POGZ: variants seen among roughly 807,000 people sequenced by gnomAD.
The protein encoded by POGZ is pogo transposable element with ZNF domain.
POGZ carries 17 observed loss-of-function variants against 134.6 expected under a neutral mutation model. That is an observed-to-expected ratio of 0.13 (90% confidence interval 0.09 to 0.19). POGZ has a LOEUF of 0.19. POGZ is among the 10% of genes least tolerant of loss of function. The pLI is 1.00. For missense variants in POGZ, 1,306 were observed against 1,769.7 expected (o/e 0.74, Z 4.70); for synonymous variants, 693 against 657.1 (o/e 1.05, Z -0.84).
Position 151,403,127 on chromosome 1 carries a change from A to G in POGZ, c.*1675T>C, listed in dbSNP as rs1653012542. 1 of 723,038 alleles carries G rather than the reference A, an allele frequency of 1.4e-6. No homozygotes were observed. Among genetic ancestry groups the G allele is most frequent in the Non-Finnish European group, 1.7e-6 (1 of 590,236 alleles). The allele number at this position is 723,038 out of a possible 1,614,324, so 44.8% of individuals were successfully genotyped here. On this transcript the variant is annotated 3_prime_UTR_variant, in exon 19 of 19. Coordinates refer to ENST00000271715, the MANE Select transcript of POGZ (RefSeq NM_015100.4). ...GATCCTTGGTTGTTTTCAGATGTCA[A>G]AGGTTCACAAAGCTGGCCAAGCTGT... is the stretch of plus-strand genomic sequence containing the variant.
chr1:151,441,668 ACTCCACT>A (rs982559728), intron 2 of POGZ, among the ~76,000 whole-genome samples: 6 of 152,128 alleles, frequency 3.9e-5, no homozygotes, highest in Admixed American at 3.3e-4. Flanking sequence ...GGCAATTTCT[ACTCCACT>A]CACAAAGGAA....
At chr1:151,408,038 G>C in intron 15 of POGZ, 62 bp downstream of exon 15, 1 of 1,010,512 alleles carries the variant, frequency 9.9e-7, no homozygotes, top group South Asian at 1.7e-5. Flanking sequence ...AAAAGAAGAA[G>C]AAGAAGAAGA....
Position 151,411,619 on chromosome 1 carries a change from T to C in POGZ, c.1926+6A>G. ...GAGAATATGGGAATTGCTTGGTGCC[T>C]AGTACCTGGTGCCTCATGTAATGCT... On this transcript the variant is annotated splice_donor_region_variant and intron_variant, in intron 12 of 18. Coordinates refer to ENST00000271715, the MANE Select transcript of POGZ (RefSeq NM_015100.4). The C allele has an allele frequency of 6.3e-7, 1 of 1,591,742 alleles. No homozygotes were observed.
chr1:151,447,427 T>C (rs1040712026), intron 1 of POGZ, among the ~76,000 whole-genome samples: 3 of 151,946 alleles, frequency 2.0e-5, no homozygotes, highest in Non-Finnish European at 4.4e-5. Flanking sequence ...AATCCCTTAA[T>C]ATCAAATATC....
chr1:151,431,088 C>G lies in POGZ; in HGVS notation c.284-247G>C, dbSNP rs1658621428. Among the ~76,000 whole-genome samples the G allele has an allele frequency of 2.0e-5, 3 of 152,000 alleles. No individual in the cohort carries two copies. The South Asian group carries it at 6.2e-4, about 31-fold the overall frequency. On this transcript the variant is annotated intron_variant, in intron 3 of 18. Transcript: ENST00000271715. ...GTACAAATCCACATTTTATTAGAAA[C>G]AGAAATGGTGTCCTATATGCCAAAA...
rs1411936205 is a variant in POGZ at position 151,459,246 on chromosome 1, G to A, written c.-96C>T. ...CGGCGCCAGAAGGGGGTGGGAGCAG[G>A]GGGAGGGGACGGGGGCTTGGGGGGA... On this transcript the variant is annotated 5_prime_UTR_variant, in exon 1 of 19. Coordinates refer to ENST00000271715, the MANE Select transcript of POGZ (RefSeq NM_015100.4). 6 of 152,228 alleles carry A rather than the reference G, an allele frequency of 3.9e-5. No individual in the cohort carries two copies. The highest frequency in any genetic ancestry group is 1.2e-4 in the African/African-American group (5 of 41,542). The allele number at this position is 152,228 out of a possible 1,614,324, so 9.4% of individuals were successfully genotyped here. A position where few individuals can be genotyped will look rare whatever the true frequency, so the allele number is the denominator to read the frequency against.
At chr1:151,445,126 T>C (rs1001638815) in intron 1 of POGZ, among the ~76,000 whole-genome samples, 14 of 152,222 alleles carry the variant, frequency 9.2e-5, no homozygotes, top group African/African-American at 3.4e-4. Flanking sequence ...AAGATGTTTA[T>C]GTCCTAACTA....
Position 151,406,030 on chromosome 1 carries a change from C to G in POGZ, c.3005G>C (p.Arg1002Pro), listed in dbSNP as rs772614527. ...AAEHFRNPQR[R>P]IRRWLRRFQA... is the part of the protein sequence containing the mutation. ...GAAACGTCGAAGCCAACGGCGAATA[C>G]GTCGCTGGGGATTTCGGAAGTGTTC... is the stretch of plus-strand genomic sequence containing the variant. The change falls in exon 19 of 19, where the codon CGT becomes CCT. Residue 1002 changes from arginine (R) to proline (P), a missense_variant. This residue lies in a region of POGZ where 214 missense variants were observed against 255.5 expected (regional missense o/e 0.84). Coordinates refer to ENST00000271715, the MANE Select transcript of POGZ (RefSeq NM_015100.4). The G allele has an allele frequency of 6.2e-7, 1 of 1,614,218 alleles. No individual in the cohort carries two copies. Among genetic ancestry groups the G allele is most frequent in the Non-Finnish European group, 8.5e-7 (1 of 1,180,034 alleles).
intron 10 of POGZ, among the ~76,000 whole-genome samples, chr1:151,421,468 G>A (rs1184244202): frequency 6.6e-6 from 1 of 152,062 alleles, no homozygotes; most frequent in Non-Finnish European, 1.5e-5. Flanking sequence ...GTTACTGTAA[G>A]CCATTAATGT....
intron 1 of POGZ, chr1:151,455,247 A>C (rs979351430): frequency 6.6e-6 from 1 of 152,238 alleles, no homozygotes; most frequent in Admixed American, 6.5e-5. Flanking sequence ...AACCAGCTCT[A>C]AAGTTTTTAT....
At chr1:151,441,167 T>C (rs1458449024) in intron 2 of POGZ, 81 bp from the exon 3 acceptor site, 8 of 1,203,694 alleles carry the variant, frequency 6.6e-6, no homozygotes, top group Non-Finnish European at 9.2e-6. Flanking sequence ...TCCCTTTCCA[T>C]CTTATTGTGG....
At chr1:151,415,841 T>C (rs185119721) in intron 10 of POGZ, among the ~76,000 whole-genome samples, 1 of 152,162 alleles carries the variant, frequency 6.6e-6, no homozygotes, top group Admixed American at 6.5e-5. Flanking sequence ...GCAAAGTTTA[T>C]ATGTAATTTC....
chr1:151,418,765 C>T (rs1656251226), intron 10 of POGZ, among the ~76,000 whole-genome samples: 2 of 151,888 alleles, frequency 1.3e-5, no homozygotes, highest in African/African-American at 4.8e-5. Context: ...GTGGCTCATG[C>T]CTGTAATCCT....
chr1:151,436,084 G>C (rs1217837364), intron 3 of POGZ, among the ~76,000 whole-genome samples: 1 of 150,908 alleles, frequency 6.6e-6, no homozygotes, highest in Non-Finnish European at 1.5e-5. Flanking sequence ...AGCCTCCCGA[G>C]TAGCTGGGAT....
At chr1:151,459,024 C>G (rs1663181267) in intron 1 of POGZ, 128 bp downstream of exon 1, 1 of 146,718 alleles carries the variant, frequency 6.8e-6, no homozygotes, top group Non-Finnish European at 1.5e-5. Context: ...CCCCCCGCCC[C>G]CACCCCCGCG....
chr1:151,458,224 G>C (rs772542931), intron 1 of POGZ, among the ~76,000 whole-genome samples: 1 of 152,150 alleles, frequency 6.6e-6, no homozygotes, highest in Non-Finnish European at 1.5e-5. Context: ...CAGAAAGACG[G>C]AAAACAAATA....
rs1455432523 is a variant in POGZ at position 151,411,761 on chromosome 1, T to C, written c.1790A>G (p.Tyr597Cys). ...TACCTCAGAGTAGAGTGAGGAGCGA[T>C]ATTGACACACCTGAGTCACATAGGA... ...EMPYVCQVCQ[Y>C]RSSLYSEVDV... is the part of the protein sequence containing the mutation. Residue 597 changes from tyrosine (Y) to cysteine (C), a missense_variant, in exon 12 of 19, where the codon TAT becomes TGT. Physicochemically the swap from Tyr to Cys is radical, Grantham distance 194 (BLOSUM62 -2). Coordinates refer to ENST00000271715, the MANE Select transcript of POGZ (RefSeq NM_015100.4). 6.2e-7 allele frequency: 1 copy of C among 1,612,596 alleles called. No individual in the cohort carries two copies. Among genetic ancestry groups the C allele is most frequent in the African/African-American group, 1.3e-5 (1 of 74,554 alleles).
chr1:151,428,084 C>T (rs1658072476), intron 6 of POGZ, 39 bp downstream of exon 6: 1 of 1,613,420 alleles, frequency 6.2e-7, no homozygotes, highest in Non-Finnish European at 8.5e-7. Context: ...CACCCACCAT[C>T]CCAACCTGGC....
chr1:151,457,387 G>A (rs1662901447), intron 1 of POGZ, among the ~76,000 whole-genome samples: 3 of 152,082 alleles, frequency 2.0e-5, no homozygotes, highest in Admixed American at 2.0e-4. Context: ...AAAATGTAAA[G>A]ATGACAACCC....
Sources: allele counts gnomAD v4.1 joint callset (sites outside exome capture counted in the v4.1 genomes callset), GRCh38; gene constraint gnomAD v4.1.1; regional missense constraint gnomAD v4.1.1; transcripts MANE v1.5; gene names NCBI Gene and HGNC (gene_info 2026-07-23, HGNC 2026-07-21).